The following AGBL4 variants were observed in gnomAD, a reference collection of about 807,000 sequenced individuals.
The protein encoded by AGBL4 is AGBL carboxypeptidase 4, also known as cytosolic carboxypeptidase 6.
Under a neutral mutation model 66.4 loss-of-function variants are expected in AGBL4, and 58 were observed. The observed-to-expected ratio is 0.87, with a 90% CI of 0.71 to 1.09. The LOEUF is 1.09. Among genes scored for constraint, AGBL4 ranks in the 50% least tolerant of loss-of-function variants. The pLI is 0.00. For synonymous variants in AGBL4, 234 were observed against 222.9 expected (o/e 1.05, Z -0.44); for missense variants, 579 against 631.0 (o/e 0.92, Z 0.88).
intron 11 of AGBL4, among the ~76,000 whole-genome samples, chr1:48,583,021 C>T (rs1644763071): frequency 6.6e-6 from 1 of 152,178 alleles, no homozygotes; most frequent in Admixed American, 6.5e-5. Context: ...ATCCAGTATC[C>T]TCTAGCTAAT....
chr1:48,729,905 A>G (rs1375220745), intron 6 of AGBL4, among the ~76,000 whole-genome samples: 1 of 152,168 alleles, frequency 6.6e-6, no homozygotes, highest in Non-Finnish European at 1.5e-5. Context: ...CTGAGAGACA[A>G]GAAGGTAGGA....
intron 1 of AGBL4, among the ~76,000 whole-genome samples, chr1:49,989,040 G>C (rs957728652): frequency 1.3e-5 from 2 of 152,124 alleles, no homozygotes; most frequent in South Asian, 4.1e-4. Context: ...TCTGTCATAA[G>C]AGAAGAATGA....
intron 6 of AGBL4, among the ~76,000 whole-genome samples, chr1:48,841,590 T>C (rs1432238189): frequency 6.6e-6 from 1 of 151,988 alleles, no homozygotes; most frequent in Non-Finnish European, 1.5e-5. Context: ...AAAGCTTTGC[T>C]AGTAAAACTG....
chr1:49,802,238 G>C (rs1644877754), intron 2 of AGBL4, among the ~76,000 whole-genome samples: 1 of 151,892 alleles, frequency 6.6e-6, no homozygotes. Context: ...GACCCATGTG[G>C]AGAGCCTATA....
chr1:49,908,510 A>G (rs1650493062), intron 1 of AGBL4, among the ~76,000 whole-genome samples: 3 of 152,248 alleles, frequency 2.0e-5, no homozygotes, highest in African/African-American at 4.8e-5. Flanking sequence ...GAGCTTCCTG[A>G]GTCCCTCACC....
At position 49,226,367 on chromosome 1, in the gene AGBL4, T is replaced by C. The variant is rs1649908070; in HGVS notation, c.377+19403A>G. On this transcript the variant is annotated intron_variant, in intron 4 of 13. Transcript: ENST00000371839. ...TAGACAAAATTGATTTTATCTATTATAAGCAATATTGAATATTTAATGATC... is the reference window on the plus strand; with the variant it reads ...TAGACAAAATTGATTTTATCTATTACAAGCAATATTGAATATTTAATGATC... 2.0e-5 allele frequency among the ~76,000 whole-genome samples: 3 copies of C among 152,232 alleles called. No homozygotes were observed. In the South Asian group the frequency reaches 6.2e-4, roughly 31 times the overall value.
chr1:49,806,876 T>C (rs1368450059), intron 2 of AGBL4, among the ~76,000 whole-genome samples: 1 of 152,128 alleles, frequency 6.6e-6, no homozygotes, highest in Non-Finnish European at 1.5e-5. Flanking sequence ...CCACCCCAGG[T>C]TCAGCTCCAG....
Position 49,948,560 on chromosome 1 carries a change from T to TAAAAA in AGBL4, c.34+75198_34+75202dup, listed in dbSNP as rs1334516996. 3.0e-3 allele frequency among the ~76,000 whole-genome samples: 302 copies of TAAAAA among 100,824 alleles called. 3 individuals carry two copies. The highest frequency in any genetic ancestry group is 0.015 in the Middle Eastern group (3 of 196). The allele number at this position is 100,824 out of a possible 152,430, so 66.1% of individuals were successfully genotyped here. A position where few individuals can be genotyped will look rare whatever the true frequency, so the allele number is the denominator to read the frequency against. On this transcript the variant is annotated intron_variant, in intron 1 of 13. Coordinates refer to ENST00000371839, the MANE Select transcript of AGBL4 (RefSeq NM_032785.4). ...AAATATATAAATATATATAAATATA[T>TAAAAA]AAAAATATATATATATATATATAGA...
chr1:48,617,365 G>A (rs1255578703), intron 9 of AGBL4, among the ~76,000 whole-genome samples: 1 of 152,182 alleles, frequency 6.6e-6, no homozygotes, highest in African/African-American at 2.4e-5. Context: ...GGTGCTGATT[G>A]CATAATCAGA....
intron 3 of AGBL4, among the ~76,000 whole-genome samples, chr1:49,661,106 T>C (rs1182429231): frequency 6.6e-6 from 1 of 152,100 alleles, no homozygotes; most frequent in East Asian, 1.9e-4. Context: ...CCCCAAAACT[T>C]AAAAATAAAA....
intron 3 of AGBL4, among the ~76,000 whole-genome samples, chr1:49,262,245 C>T (rs1330934100): frequency 6.6e-6 from 1 of 152,124 alleles, no homozygotes. Flanking sequence ...AGGACATAGG[C>T]ATGGGCAAGG....
At chr1:49,984,061 G>C (rs955966914) in intron 1 of AGBL4, among the ~76,000 whole-genome samples, 12 of 152,184 alleles carry the variant, frequency 7.9e-5, no homozygotes, top group Non-Finnish European at 1.0e-4. Context: ...TTATATACGG[G>C]ACCTAAGTCC....
chr1:49,137,044 A>G (rs939652521), intron 4 of AGBL4, among the ~76,000 whole-genome samples: 1 of 152,174 alleles, frequency 6.6e-6, no homozygotes, highest in African/African-American at 2.4e-5. Flanking sequence ...GACCAATTCA[A>G]TGAAATTGAA....
chr1:48,596,665 G>C (rs543882320), intron 9 of AGBL4, among the ~76,000 whole-genome samples: 1 of 152,048 alleles, frequency 6.6e-6, no homozygotes, highest in East Asian at 1.9e-4. Context: ...GTATAGTCTG[G>C]AACTCCTGGG....
chr1:48,694,927 C>A (rs1182088887), intron 6 of AGBL4, among the ~76,000 whole-genome samples: 4 of 152,206 alleles, frequency 2.6e-5, no homozygotes, highest in Admixed American at 2.6e-4. Flanking sequence ...ACCAATGTGC[C>A]TTTCTGTCTC....
chr1:50,001,772 A>G (rs1337403931), intron 1 of AGBL4, among the ~76,000 whole-genome samples: 1 of 152,178 alleles, frequency 6.6e-6, no homozygotes, highest in Non-Finnish European at 1.5e-5. Context: ...TGGATTTTCC[A>G]AAGTCAGAAA....
At chr1:48,811,672 G>T (rs758074236) in intron 6 of AGBL4, among the ~76,000 whole-genome samples, 1 of 145,648 alleles carries the variant, frequency 6.9e-6, no homozygotes, top group African/African-American at 2.5e-5. Flanking sequence ...CTAGTTATGT[G>T]TGTCTGTCTT....
chr1:49,323,103 G>A (rs1645159555), intron 3 of AGBL4, among the ~76,000 whole-genome samples: 1 of 152,150 alleles, frequency 6.6e-6, no homozygotes, highest in South Asian at 2.1e-4. Context: ...CCTGACAAGA[G>A]AAACAGTTTT....
At chr1:48,795,321 A>G (rs560923666) in intron 6 of AGBL4, among the ~76,000 whole-genome samples, 1 of 152,124 alleles carries the variant, frequency 6.6e-6, no homozygotes, top group African/African-American at 2.4e-5. Flanking sequence ...GGCTCAACTC[A>G]TGCTACGTAT....
Sources: gnomAD v4.1 joint callset for allele counts (sites outside exome capture counted in the v4.1 genomes callset) on GRCh38, gnomAD v4.1.1 for gene constraint, MANE v1.5 for transcripts, NCBI Gene and HGNC (gene_info 2026-07-23, HGNC 2026-07-21) for gene names.